The following DLG1 variants were observed in gnomAD, a reference collection of about 807,000 sequenced individuals.
DLG1 encodes disks large homolog 1.
A neutral mutation model predicts 123.4 loss-of-function variants in DLG1; 42 were observed. That is an observed-to-expected ratio of 0.34 (90% CI 0.27 to 0.44). The LOEUF is 0.44. Among genes scored for constraint, DLG1 ranks in the 20% least tolerant of loss-of-function variants. DLG1 has a pLI of 1.00. For synonymous variants in DLG1, 317 were observed against 356.2 expected, an observed-to-expected ratio of 0.89 and a Z score of 1.24; for missense variants, 942 against 1,082.6, an observed-to-expected ratio of 0.87 and a Z score of 1.82.
chr3:197,136,818 G>A, intron 9 of DLG1, 140 bp from the exon 10 acceptor site: 1 of 672,312 alleles, frequency 1.5e-6, no homozygotes, highest in Non-Finnish European at 2.4e-6. Context: ...TTATCTACTA[G>A]TATATGTTCT....
At chr3:197,050,964 T>C (rs1335573239) in intron 24 of DLG1, among the ~76,000 whole-genome samples, 1 of 152,206 alleles carries the variant, frequency 6.6e-6, no homozygotes, top group Non-Finnish European at 1.5e-5. Context: ...TTATAAAGGA[T>C]AAGAGAAAAA....
At chr3:197,249,235 C>A (rs933906012) in intron 4 of DLG1, among the ~76,000 whole-genome samples, 7 of 151,864 alleles carry the variant, frequency 4.6e-5, no homozygotes, top group Admixed American at 2.6e-4. Flanking sequence ...ACTGAGACCA[C>A]AGAAATACAA....
chr3:197,095,342 G>A (rs531456931), intron 14 of DLG1, among the ~76,000 whole-genome samples: 17 of 151,884 alleles, frequency 1.1e-4, no homozygotes, highest in African/African-American at 4.1e-4. Flanking sequence ...TACAGCAAAA[G>A]GATCCATTTC....
intron 11 of DLG1, among the ~76,000 whole-genome samples, chr3:197,123,804 C>T (rs923908396): frequency 6.6e-6 from 1 of 152,070 alleles, no homozygotes; most frequent in African/African-American, 2.4e-5. Flanking sequence ...CATAAAAGAT[C>T]AGAACTGTAA....
chr3:197,245,518 T>C (rs1751185295), intron 4 of DLG1, among the ~76,000 whole-genome samples: 1 of 152,148 alleles, frequency 6.6e-6, no homozygotes. Flanking sequence ...ATCTGTAACT[T>C]GTTTTGCTAG....
At chr3:197,297,927 G>A (rs1408108624) in intron 1 of DLG1, 2 of 984,168 alleles carry the variant, frequency 2.0e-6, no homozygotes, top group Non-Finnish European at 2.4e-6. Flanking sequence ...GAGCGGAGGG[G>A]GCGAAGGGAC....
intron 4 of DLG1, among the ~76,000 whole-genome samples, chr3:197,198,584 C>G (rs1253479996): frequency 6.6e-6 from 1 of 151,300 alleles, no homozygotes; most frequent in African/African-American, 2.4e-5. Context: ...TCTTATAGCT[C>G]AACAAGAAGA....
intron 5 of DLG1, among the ~76,000 whole-genome samples, chr3:197,173,989 A>G (rs766625544): frequency 2.0e-5 from 3 of 152,192 alleles, no homozygotes; most frequent in Non-Finnish European, 2.9e-5. Flanking sequence ...AGGCTGGGGC[A>G]TAAGAATCAC....
At chr3:197,144,528 G>GC in intron 6 of DLG1, among the ~76,000 whole-genome samples, 1 of 152,248 alleles carries the variant, frequency 6.6e-6, no homozygotes, top group South Asian at 2.1e-4. Flanking sequence ...GTTCTTTTAA[G>GC]CCCCTAAGCT....
intron 4 of DLG1, among the ~76,000 whole-genome samples, chr3:197,244,729 G>C (rs1184925812): frequency 6.6e-6 from 1 of 151,928 alleles, no homozygotes; most frequent in African/African-American, 2.4e-5. Context: ...CTGCAGTCTT[G>C]GTGGTTAGAA....
chr3:197,102,794 G>T (rs1764225188), intron 14 of DLG1, among the ~76,000 whole-genome samples: 1 of 152,192 alleles, frequency 6.6e-6, no homozygotes, highest in African/African-American at 2.4e-5. Context: ...GGAGGCGGAG[G>T]TTACAGTGAG....
intron 4 of DLG1, among the ~76,000 whole-genome samples, chr3:197,223,990 TA>T (rs1738471765): frequency 6.6e-6 from 1 of 152,210 alleles, no homozygotes; most frequent in Non-Finnish European, 1.5e-5. Context: ...AAACAATTTT[TA>T]AAAACTCTAT....
chr3:197,044,595 G>A lies in DLG1; in HGVS notation c.*28C>T. 1.3e-6 allele frequency: 2 copies of A among 1,505,384 alleles called. No homozygotes were observed. Among genetic ancestry groups the A allele is most frequent in the Non-Finnish European group, 1.8e-6 (2 of 1,086,790 alleles). 93.3% of individuals were successfully genotyped at this position (1,505,384 alleles called of 1,614,324 possible). A position where few individuals can be genotyped will look rare whatever the true frequency, so the allele number is the denominator to read the frequency against. On this transcript the variant is annotated 3_prime_UTR_variant, in exon 25 of 25. Transcript: ENST00000667157. Reference sequence around the variant, plus strand: ...AGATGCCAAAGAAAATGGAATTGTGGAAAAGAGAAACAGAGAAACATGAGT... The same window carrying A: ...AGATGCCAAAGAAAATGGAATTGTGAAAAAGAGAAACAGAGAAACATGAGT...
chr3:197,049,266 GA>G (rs1365988011), intron 24 of DLG1, among the ~76,000 whole-genome samples: 4 of 152,106 alleles, frequency 2.6e-5, no homozygotes, highest in Non-Finnish European at 4.4e-5. Flanking sequence ...GCAGCAAGCT[GA>G]GATCACACCC....
intron 4 of DLG1, among the ~76,000 whole-genome samples, chr3:197,202,344 C>T (rs1726221687): frequency 6.6e-6 from 1 of 152,146 alleles, no homozygotes; most frequent in Non-Finnish European, 1.5e-5. Flanking sequence ...AGAAACGACG[C>T]TCATTTTGAA....
intron 4 of DLG1, among the ~76,000 whole-genome samples, chr3:197,215,446 A>T (rs886784148): frequency 6.6e-6 from 1 of 152,160 alleles, no homozygotes; most frequent in Non-Finnish European, 1.5e-5. Flanking sequence ...AGAAGACAAT[A>T]CTACATAGGA....
intron 4 of DLG1, among the ~76,000 whole-genome samples, chr3:197,203,778 G>A (rs1727089162): frequency 6.6e-6 from 1 of 152,202 alleles, no homozygotes; most frequent in African/African-American, 2.4e-5. Context: ...AATGGCCTCT[G>A]TCAGGGAAAA....
At chr3:197,051,463 C>CCCG in intron 24 of DLG1, 114 bp downstream of exon 24, 2 of 762,334 alleles carry the variant, frequency 2.6e-6, no homozygotes, top group South Asian at 1.7e-5. Flanking sequence ...CTGGATGATA[C>CCCG]TAGTTACTAC....
At chr3:197,163,784 A>T (rs1420640148) in intron 5 of DLG1, among the ~76,000 whole-genome samples, 1 of 139,770 alleles carries the variant, frequency 7.2e-6, no homozygotes. Flanking sequence ...TGATCCACCC[A>T]CCTTGGCCTT....
Sources: gnomAD v4.1 joint callset for allele counts (sites outside exome capture counted in the v4.1 genomes callset) on GRCh38, gnomAD v4.1.1 for gene constraint, MANE v1.5 for transcripts, NCBI Gene and HGNC (gene_info 2026-07-23, HGNC 2026-07-21) for gene names.